PPA2: variants seen among roughly 807,000 people sequenced by gnomAD.
PPA2 encodes inorganic pyrophosphatase 2, mitochondrial.
A neutral mutation model predicts 49.5 loss-of-function variants in PPA2; 48 were observed. The ratio of observed to expected loss-of-function variants is 0.97; its 90% CI spans 0.77 to 1.23. The LOEUF (loss-of-function observed/expected upper bound fraction) is 1.23, where lower values mean the gene tolerates loss of function less well. Among genes scored for constraint, PPA2 ranks in the 50% most tolerant of loss-of-function variants. PPA2 has a pLI of 0.00. For missense variants in PPA2, 429 were observed against 410.1 expected (o/e 1.05, Z -0.40); for synonymous variants, 131 against 139.9 (o/e 0.94, Z 0.45).
At position 105,453,661 on chromosome 4, in the gene PPA2, T is replaced by G; in HGVS notation, c.223-19A>C. Reference sequence around the variant, plus strand: ...CATTTTCCTATAAAAGAAAAGATGGTGAAAGACTGCAATATTTCATGAAAG... The same window carrying G: ...CATTTTCCTATAAAAGAAAAGATGGGGAAAGACTGCAATATTTCATGAAAG... On this transcript the variant is annotated intron_variant, in intron 2 of 11. Coordinates refer to ENST00000341695, the MANE Select transcript of PPA2 (RefSeq NM_176869.3). The G allele has an allele frequency of 6.3e-7, 1 of 1,593,586 alleles. No individual in the cohort carries two copies. The highest frequency in any genetic ancestry group is 8.6e-7 in the Non-Finnish European group (1 of 1,165,876).
chr4:105,451,861 C>A (rs890230132), intron 3 of PPA2, among the ~76,000 whole-genome samples: 8 of 152,180 alleles, frequency 5.3e-5, no homozygotes, highest in Non-Finnish European at 1.0e-4. Flanking sequence ...AGCTAAGATG[C>A]ATTTGTCCTG....
At chr4:105,423,757 G>A (rs2110269248) in intron 7 of PPA2, among the ~76,000 whole-genome samples, 2 of 152,302 alleles carry the variant, frequency 1.3e-5, no homozygotes, top group South Asian at 4.1e-4. Flanking sequence ...AAAACTAGGT[G>A]CAGAAATAGC....
At chr4:105,439,649 T>A (rs963204077) in intron 5 of PPA2, among the ~76,000 whole-genome samples, 3 of 151,866 alleles carry the variant, frequency 2.0e-5, no homozygotes, top group African/African-American at 7.3e-5. Flanking sequence ...TTATTATTAT[T>A]ATAATAAATG....
At chr4:105,468,227 T>C (rs1375960641) in intron 1 of PPA2, among the ~76,000 whole-genome samples, 1 of 152,222 alleles carries the variant, frequency 6.6e-6, no homozygotes, top group Non-Finnish European at 1.5e-5. Context: ...TCCGGCCCTT[T>C]ACAGAAAACT....
chr4:105,398,300 A>T lies in PPA2; in HGVS notation c.783+737T>A, dbSNP rs1020849401. On this transcript the variant is annotated intron_variant, in intron 8 of 11. Transcript: ENST00000341695. The stretch of plus-strand genomic sequence containing the variant: ...AATAATCCCAGACAAAGCCCTCAAG[A>T]TTTGAAGGATTCTTTTAATGTGCTT... The T allele has an allele frequency of 2.7e-5, 4 of 149,660 alleles. No homozygotes were observed. The East Asian group carries it at 6.1e-4, about 23-fold the overall frequency. 9.3% of individuals were successfully genotyped at this position (149,660 alleles called of 1,614,324 possible). A position where few individuals can be genotyped will look rare whatever the true frequency, so the allele number is the denominator to read the frequency against.
At chr4:105,379,463 AG>A (rs1733392406) in intron 10 of PPA2, among the ~76,000 whole-genome samples, 2 of 83,740 alleles carry the variant, frequency 2.4e-5, no homozygotes, top group Admixed American at 2.8e-4. Context: ...ATAGATAGAT[AG>A]ATATCTCAAG....
intron 5 of PPA2, among the ~76,000 whole-genome samples, chr4:105,440,231 A>T (rs1724283632): frequency 6.6e-6 from 1 of 152,118 alleles, no homozygotes; most frequent in Admixed American, 6.5e-5. Context: ...TTCTTCAGCT[A>T]TTAAGAAAGG....
intron 6 of PPA2, among the ~76,000 whole-genome samples, chr4:105,427,413 G>A (rs1055067830): frequency 2.6e-5 from 4 of 152,100 alleles, no homozygotes; most frequent in Non-Finnish European, 5.9e-5. Context: ...AGCTAGAGGA[G>A]CACGTTCTAA....
At chr4:105,387,034 T>C (rs781403172) in intron 9 of PPA2, among the ~76,000 whole-genome samples, 2 of 152,190 alleles carry the variant, frequency 1.3e-5, no homozygotes, top group East Asian at 1.9e-4. Context: ...TGTAATTAGC[T>C]ACTGAAAGTT....
chr4:105,439,082 TAAG>T (rs891362446), intron 5 of PPA2, among the ~76,000 whole-genome samples: 7 of 151,924 alleles, frequency 4.6e-5, no homozygotes, highest in Non-Finnish European at 2.9e-5. Context: ...TAAGAAAATA[TAAG>T]AATAACCACA....
At chr4:105,403,468 T>C (rs1722317073) in intron 7 of PPA2, among the ~76,000 whole-genome samples, 1 of 145,940 alleles carries the variant, frequency 6.9e-6, no homozygotes, top group African/African-American at 2.4e-5. Flanking sequence ...AGAATCTCCT[T>C]AAGGGAATTT....
intron 6 of PPA2, among the ~76,000 whole-genome samples, chr4:105,426,264 T>G (rs1000848425): frequency 6.6e-5 from 10 of 152,146 alleles, no homozygotes; most frequent in African/African-American, 2.4e-4. Context: ...CCCAGTGAGA[T>G]CGATGCAGAA....
At chr4:105,397,786 T>A (rs140487392) in intron 8 of PPA2, among the ~76,000 whole-genome samples, 1,587 of 152,268 alleles carry the variant, frequency 0.01, 19 homozygotes, top group Middle Eastern at 0.021. Flanking sequence ...TCTCACCCTG[T>A]GGCATGCCTG....
chr4:105,441,872 G>A (rs1225437711), intron 5 of PPA2, among the ~76,000 whole-genome samples: 1 of 151,970 alleles, frequency 6.6e-6, no homozygotes, highest in Non-Finnish European at 1.5e-5. Context: ...CCACACTCTG[G>A]TCCTTAGGTC....
intron 5 of PPA2, among the ~76,000 whole-genome samples, chr4:105,444,269 T>C (rs1724508188): frequency 6.6e-6 from 1 of 152,192 alleles, no homozygotes; most frequent in Admixed American, 6.5e-5. Context: ...GGGGGAATGC[T>C]GCAAAATGAG....
intron 7 of PPA2, among the ~76,000 whole-genome samples, chr4:105,422,886 G>C (rs1048116396): frequency 6.6e-6 from 1 of 152,002 alleles, no homozygotes; most frequent in Non-Finnish European, 1.5e-5. Flanking sequence ...AGTTTAAAGG[G>C]GCATCCCTTA....
At chr4:105,394,403 A>AG (rs1275073041) in intron 9 of PPA2, among the ~76,000 whole-genome samples, 1 of 151,258 alleles carries the variant, frequency 6.6e-6, no homozygotes, top group Non-Finnish European at 1.5e-5. Context: ...AAGAAAAAAA[A>AG]AGAGAGTAAG....
intron 7 of PPA2, chr4:105,405,670 A>C: frequency 1.0e-6 from 1 of 994,956 alleles, no homozygotes; most frequent in Non-Finnish European, 1.2e-6. Flanking sequence ...TTTTGACAGG[A>C]GGGGCACTAA....
intron 7 of PPA2, among the ~76,000 whole-genome samples, chr4:105,416,844 AC>A (rs1723034516): frequency 6.6e-6 from 1 of 152,150 alleles, no homozygotes; most frequent in African/African-American, 2.4e-5. Context: ...TTGTACTCTT[AC>A]CAAGACAAAA....
Sources: allele counts gnomAD v4.1 joint callset (sites outside exome capture counted in the v4.1 genomes callset), GRCh38; gene constraint gnomAD v4.1.1; transcripts MANE v1.5; gene names NCBI Gene and HGNC (gene_info 2026-07-23, HGNC 2026-07-21).